The following LRRK1 variants were observed in gnomAD, a reference collection of about 807,000 sequenced individuals.
The protein encoded by LRRK1 is leucine-rich repeat serine/threonine-protein kinase 1.
LRRK1 carries 113 observed loss-of-function variants against 209.1 expected under a neutral mutation model. The ratio of observed to expected loss-of-function variants is 0.54; its 90% CI spans 0.46 to 0.63. The LOEUF is 0.63. Ranked by LOEUF, LRRK1 falls within the 30% of genes least tolerant of loss-of-function variation. The probability of loss-of-function intolerance (pLI) is 0.00; values close to 1 mark genes in which losing one functional copy is unlikely to be tolerated. For synonymous variants in LRRK1, 1,144 were observed against 1,099.7 expected (o/e 1.04, Z -0.80); for missense variants, 2,284 against 2,632.2 (o/e 0.87, Z 2.89).
chr15:101,017,101 G>C (rs1222060831), intron 12 of LRRK1, among the ~76,000 whole-genome samples: 1 of 152,192 alleles, frequency 6.6e-6, no homozygotes, highest in African/African-American at 2.4e-5. Context: ...ATATCCCTCA[G>C]GATGCTGGCC....
rs2036761491 is a variant in LRRK1, at chr15:101,070,488, C to G, written c.*1640C>G. Reference sequence around the variant, plus strand: ...GCCCCACAACTGCCCAGTTAACCCCCAGATGCAAGCCAGATTCCATCTGCC... The same window carrying G: ...GCCCCACAACTGCCCAGTTAACCCCGAGATGCAAGCCAGATTCCATCTGCC... On this transcript the variant is annotated 3_prime_UTR_variant, in exon 34 of 34. Coordinates refer to ENST00000388948, the MANE Select transcript of LRRK1 (RefSeq NM_024652.6). 6.6e-6 allele frequency: 1 copy of G among 151,292 alleles called. No homozygotes were observed. Among genetic ancestry groups the G allele is most frequent in the African/African-American group, 2.5e-5 (1 of 40,568 alleles). The allele number at this position is 151,292 out of a possible 1,614,324, so 9.4% of individuals were successfully genotyped here. A position where few individuals can be genotyped will look rare whatever the true frequency, so the allele number is the denominator to read the frequency against.
rs1328893943 is a variant in LRRK1, at chr15:101,024,897, T to C, written c.2162T>C (p.Val721Ala). 1 of 1,614,138 alleles carries C rather than the reference T, an allele frequency of 6.2e-7. No individual in the cohort carries two copies. The highest frequency in any genetic ancestry group is 1.1e-5 in the South Asian group (1 of 91,084). Residue 721 changes from valine to alanine, a missense_variant, in exon 16 of 34, where the codon GTG (valine) becomes GCG (alanine). This residue lies in a region of LRRK1 where 780 missense variants were observed against 985.2 expected (regional missense o/e 0.79). Transcript: ENST00000388948. This position sits in a 1 kb window ranked among gnomAD's most constrained non-coding sequence, Gnocchi z 4.6. The stretch of plus-strand genomic sequence containing the variant: ...TTCTTCACGGACAAGGCCCTGTACG[T>C]GGTGGTCTGGAACCTGGCGCTGGGG... ...QCFFTDKALY[V>A]VVWNLALGEE...
At chr15:100,995,181 GT>G (rs1183484922) in intron 6 of LRRK1, among the ~76,000 whole-genome samples, 1 of 152,128 alleles carries the variant, frequency 6.6e-6, no homozygotes, top group African/African-American at 2.4e-5. Flanking sequence ...GTGCCATCGT[GT>G]TTTTTGTGTG....
chr15:101,022,250 CT>C lies in LRRK1; in HGVS notation c.1853-132del, dbSNP rs1368344197. The C allele has an allele frequency of 9.0e-6, 8 of 892,254 alleles. No individual in the cohort carries two copies. The highest frequency in any genetic ancestry group is 3.2e-5 in the South Asian group (2 of 63,140). The allele number at this position is 892,254 out of a possible 1,614,324, so 55.3% of individuals were successfully genotyped here. A position where few individuals can be genotyped will look rare whatever the true frequency, so the allele number is the denominator to read the frequency against. On this transcript the variant is annotated intron_variant, in intron 14 of 33. Coordinates refer to ENST00000388948, the MANE Select transcript of LRRK1 (RefSeq NM_024652.6). The surrounding 1 kb of genome is among the most constrained non-coding windows in gnomAD (Gnocchi z 4.0). The stretch of plus-strand genomic sequence containing the variant: ...GGTTAGTGTCATGCCTTCCCTCCCC[CT>C]GATCCAGTAGTCTTCCTTAACTGTC...
intron 2 of LRRK1, among the ~76,000 whole-genome samples, chr15:100,951,253 C>A (rs1225196581): frequency 1.3e-5 from 2 of 152,088 alleles, no homozygotes; most frequent in African/African-American, 4.8e-5. Flanking sequence ...CACTTCACAC[C>A]CAACAGAAAG....
At chr15:100,989,063 C>G (rs2032023938) in intron 5 of LRRK1, among the ~76,000 whole-genome samples, 187 bp from the exon 6 acceptor site, 1 of 152,238 alleles carries the variant, frequency 6.6e-6, no homozygotes, top group South Asian at 2.1e-4. Context: ...ACGAGGCACT[C>G]CAAAGGGCAA....
chr15:100,995,899 A>T (rs1453935839), intron 6 of LRRK1, among the ~76,000 whole-genome samples: 1 of 152,252 alleles, frequency 6.6e-6, no homozygotes, highest in Non-Finnish European at 1.5e-5. Context: ...AGAGAGGGAC[A>T]TCTATTATTA....
At chr15:101,028,504 A>G (rs946654511) in intron 19 of LRRK1, among the ~76,000 whole-genome samples, 1 of 152,268 alleles carries the variant, frequency 6.6e-6, no homozygotes, top group Non-Finnish European at 1.5e-5. Context: ...AAAACGTGGC[A>G]CTGACATAGA....
chr15:100,937,636 G>A (rs1421956169), intron 2 of LRRK1, among the ~76,000 whole-genome samples: 1 of 152,080 alleles, frequency 6.6e-6, no homozygotes, highest in East Asian at 1.9e-4. Flanking sequence ...CCAGGTTGAT[G>A]CCATTCTCCT....
chr15:100,973,679 C>A (rs190159794), intron 2 of LRRK1, 125 bp from the exon 3 acceptor site: 2 of 1,007,810 alleles, frequency 2.0e-6, no homozygotes, highest in Non-Finnish European at 2.6e-6. Flanking sequence ...CCACCCCTCT[C>A]TCTTCCTGAA....
chr15:100,993,489 T>C (rs779828294), intron 6 of LRRK1, among the ~76,000 whole-genome samples: 17 of 152,246 alleles, frequency 1.1e-4, no homozygotes, highest in Admixed American at 3.9e-4. Flanking sequence ...TCTGGCTTTA[T>C]GACTCATCAA....
intron 22 of LRRK1, 46 bp downstream of exon 22, chr15:101,048,703 G>A: frequency 2.1e-6 from 3 of 1,456,474 alleles, no homozygotes; most frequent in East Asian, 2.7e-5. Context: ...AGGTGCCACA[G>A]CAGCCACCGC....
chr15:100,987,157 G>A (rs2031919359), intron 4 of LRRK1, among the ~76,000 whole-genome samples: 1 of 152,140 alleles, frequency 6.6e-6, no homozygotes, highest in African/African-American at 2.4e-5. Flanking sequence ...CTTGGCACTG[G>A]CTCCAGCCTC....
At position 101,068,804 on chromosome 15, in the gene LRRK1, G is replaced by A. The variant is rs3752321; in HGVS notation, c.6004G>A (p.Glu2002Lys). 1,145 of 1,612,356 alleles carry A rather than the reference G, an allele frequency of 7.1e-4. 24 individuals carry two copies. In the East Asian group the frequency reaches 0.021, roughly 30 times the overall value. The change falls in exon 34 of 34, where the codon GAG (glutamate) becomes AAG (lysine). Residue 2002 changes from glutamate to lysine, a missense_variant. By Grantham distance (56) the Glu-to-Lys change is moderately conservative. Coordinates refer to ENST00000388948, the MANE Select transcript of LRRK1 (RefSeq NM_024652.6). ...GTTCGACATTTTCTACCAGTCCTACGAGGAGCTGGGCCGGCTGGAGGCTTG... is the reference window on the plus strand; with the variant it reads ...GTTCGACATTTTCTACCAGTCCTACAAGGAGCTGGGCCGGCTGGAGGCTTG... Reference protein sequence around the residue: ...REFDIFYQSYEELGRLEACTR... With the variant: ...REFDIFYQSYKELGRLEACTR...
In LRRK1 at chr15:101,073,231, C is replaced by T. The variant is rs376455492; in HGVS notation, c.*4383C>T. On this transcript the variant is annotated 3_prime_UTR_variant, in exon 34 of 34. Coordinates refer to ENST00000388948, the MANE Select transcript of LRRK1 (RefSeq NM_024652.6). ...TTTTCTGGTAGAGATAAAGGAGACA[C>T]GTTTTATCCGTGGACCCAAAACTCC... 3.8e-3 allele frequency: 587 copies of T among 152,486 alleles called. 1 individual carries two copies. Among genetic ancestry groups the T allele is most frequent in the Non-Finnish European group, 7.0e-3 (474 of 68,148 alleles). 9.4% of individuals were successfully genotyped at this position (152,486 alleles called of 1,614,324 possible).
chr15:100,998,149 C>T (rs1398690410), intron 6 of LRRK1, among the ~76,000 whole-genome samples: 1 of 147,850 alleles, frequency 6.8e-6, no homozygotes, highest in Non-Finnish European at 1.5e-5. Flanking sequence ...CATTGCACTT[C>T]AGCCTGGACG....
chr15:100,955,849 T>C (rs1336665685), intron 2 of LRRK1, among the ~76,000 whole-genome samples: 2 of 152,202 alleles, frequency 1.3e-5, no homozygotes, highest in African/African-American at 4.8e-5. Flanking sequence ...AACTTCATAA[T>C]GGTGTATGAT....
intron 12 of LRRK1, among the ~76,000 whole-genome samples, chr15:101,018,376 C>T (rs1337050763): frequency 6.6e-6 from 1 of 152,124 alleles, no homozygotes; most frequent in African/African-American, 2.4e-5. Context: ...AAATTGAGTC[C>T]AGACATAGGG....
intron 12 of LRRK1, among the ~76,000 whole-genome samples, chr15:101,015,949 A>G (rs2033516818): frequency 6.6e-6 from 1 of 151,302 alleles, no homozygotes; most frequent in Non-Finnish European, 1.5e-5. Context: ...ATGTCCTGAG[A>G]TAGTGAAGAG....
Sources: gnomAD v4.1 joint callset for allele counts (sites outside exome capture counted in the v4.1 genomes callset) on GRCh38, gnomAD v4.1.1 for gene constraint, gnomAD v4.1.1 regional missense constraint, Gnocchi (gnomAD v3.1) non-coding constraint, MANE v1.5 for transcripts, NCBI Gene and HGNC (gene_info 2026-07-23, HGNC 2026-07-21) for gene names.